FILIP1: variants seen among roughly 807,000 people sequenced by gnomAD.
The protein encoded by FILIP1 is filamin-A-interacting protein 1.
FILIP1 carries 61 observed loss-of-function variants against 102.1 expected under a neutral mutation model. The observed-to-expected ratio is 0.60, with a 90% confidence interval of 0.49 to 0.74. The LOEUF (loss-of-function observed/expected upper bound fraction) is 0.74, where lower values mean the gene tolerates loss of function less well. Ranked by LOEUF, FILIP1 falls within the 30% of genes least tolerant of loss-of-function variation. The pLI, the probability that FILIP1 is intolerant of heterozygous loss-of-function variation, is 0.00. For synonymous variants in FILIP1, 491 were observed against 526.9 expected (o/e 0.93, Z 0.93); for missense variants, 1,314 against 1,441.2 (o/e 0.91, Z 1.43).
At chr6:75,325,511 A>G (rs960864181) in intron 4 of FILIP1, among the ~76,000 whole-genome samples, 1 of 152,226 alleles carries the variant, frequency 6.6e-6, no homozygotes, top group Non-Finnish European at 1.5e-5. Flanking sequence ...AAGGACTAAT[A>G]TCCAGAATTT....
intron 2 of FILIP1, chr6:75,386,098 G>A (rs1181555468): frequency 6.6e-6 from 1 of 152,098 alleles, no homozygotes; most frequent in Non-Finnish European, 1.5e-5. Context: ...AACTCCTACT[G>A]CTTATTTGTA....
At chr6:75,456,704 C>G (rs978697402) in intron 1 of FILIP1, among the ~76,000 whole-genome samples, 1 of 151,944 alleles carries the variant, frequency 6.6e-6, no homozygotes, top group Non-Finnish European at 1.5e-5. Context: ...GGATTACAGG[C>G]ACATGCCACC....
At chr6:75,341,792 C>T (rs1407928886) in intron 4 of FILIP1, among the ~76,000 whole-genome samples, 1 of 152,170 alleles carries the variant, frequency 6.6e-6, no homozygotes, top group Non-Finnish European at 1.5e-5. Flanking sequence ...ACAATAACAG[C>T]TACCCTCAAA....
intron 2 of FILIP1, among the ~76,000 whole-genome samples, chr6:75,385,123 A>T (rs1776044936): frequency 6.6e-6 from 1 of 152,030 alleles, no homozygotes. Flanking sequence ...ATAACTAAAG[A>T]AATAGAAATT....
intron 1 of FILIP1, among the ~76,000 whole-genome samples, chr6:75,431,384 G>T (rs1777818719): frequency 6.6e-6 from 1 of 152,008 alleles, no homozygotes; most frequent in Non-Finnish European, 1.5e-5. Context: ...ATTTTCATCA[G>T]CTGCCATTCA....
rs146804305 is a variant in FILIP1 at position 75,408,843 on chromosome 6, C to T, written c.276+5854G>A. 1.0e-2 allele frequency among the ~76,000 whole-genome samples: 1,519 copies of T among 152,232 alleles called. 14 individuals carry two copies. Among genetic ancestry groups the T allele is most frequent in the Non-Finnish European group, 0.016 (1,077 of 68,012 alleles). Reference sequence around the variant, plus strand: ...AGCTGGAGATGTGATCCCCCCAAAGCCTGCACTGTTACACAACTCCAGAAG... The same window carrying T: ...AGCTGGAGATGTGATCCCCCCAAAGTCTGCACTGTTACACAACTCCAGAAG... On this transcript the variant is annotated intron_variant, in intron 2 of 5. Transcript: ENST00000237172.
At chr6:75,316,120 C>T (rs566511627) in intron 4 of FILIP1, among the ~76,000 whole-genome samples, 5 of 152,296 alleles carry the variant, frequency 3.3e-5, no homozygotes, top group East Asian at 1.9e-4. Context: ...TACATTTTCT[C>T]TATGGCATTT....
intron 4 of FILIP1, among the ~76,000 whole-genome samples, chr6:75,325,587 T>C (rs1481322469): frequency 6.6e-6 from 1 of 152,060 alleles, no homozygotes; most frequent in African/African-American, 2.4e-5. Context: ...AGGACATGAA[T>C]AGACAATTCT....
chr6:75,399,949 AG>A (rs2149669907), intron 2 of FILIP1, among the ~76,000 whole-genome samples: 1 of 152,304 alleles, frequency 6.6e-6, no homozygotes, highest in Non-Finnish European at 1.5e-5. Context: ...AGACTTTTAA[AG>A]GAAATTCCAG....
intron 3 of FILIP1, among the ~76,000 whole-genome samples, chr6:75,356,563 G>A (rs1048991765): frequency 2.6e-5 from 4 of 151,428 alleles, no homozygotes; most frequent in South Asian, 2.1e-4. Context: ...CCGCCTCCTC[G>A]GTTCAAGCAA....
chr6:75,312,567 C>A lies in FILIP1; in HGVS notation c.3265G>T (p.Val1089Phe). The A allele has an allele frequency of 6.2e-7, 1 of 1,614,246 alleles. No individual in the cohort carries two copies. The highest frequency in any genetic ancestry group is 1.1e-5 in the South Asian group (1 of 91,092). Reference sequence around the variant, plus strand: ...ACGTTTACTGGTCGGACAGTAATAACTGGACTGACTCCTTCACCTGAAGTC... The same window carrying A: ...ACGTTTACTGGTCGGACAGTAATAAATGGACTGACTCCTTCACCTGAAGTC... ...PGTSGEGVSP[V>F]ITVRPVNVTA... Residue 1089 changes from valine (V) to phenylalanine (F), a missense_variant, in exon 5 of 6, where the codon GTT becomes TTT. Val to Phe is a conservative substitution (Grantham distance 50, BLOSUM62 -1). Around this residue, in one of 3 missense-constraint regions of FILIP1, gnomAD observed 816 missense variants for 913.1 expected, o/e 0.89. Coordinates refer to ENST00000237172, the MANE Select transcript of FILIP1 (RefSeq NM_015687.5).
At chr6:75,340,905 T>C (rs917978827) in intron 4 of FILIP1, among the ~76,000 whole-genome samples, 4 of 146,564 alleles carry the variant, frequency 2.7e-5, no homozygotes, top group African/African-American at 1.0e-4. Flanking sequence ...TGTTTTGCCA[T>C]ATTGGCGAGG....
At chr6:75,420,018 A>G (rs1302677521) in intron 1 of FILIP1, among the ~76,000 whole-genome samples, 3 of 152,186 alleles carry the variant, frequency 2.0e-5, no homozygotes, top group Non-Finnish European at 4.4e-5. Context: ...TAAGGTTTTT[A>G]CTTAAAGTAT....
intron 2 of FILIP1, among the ~76,000 whole-genome samples, chr6:75,400,054 C>A (rs535645396): frequency 1.3e-5 from 2 of 152,150 alleles, no homozygotes; most frequent in East Asian, 3.9e-4. Flanking sequence ...GACAGCTCTG[C>A]CACTAATACT....
chr6:75,308,663 G>A lies in FILIP1; in HGVS notation c.*28C>T. ...CACTTTCACGGCAGCAGTAGCATCTGCACAACATACCCCCTTAGCCACTGC... is the reference window on the plus strand; with the variant it reads ...CACTTTCACGGCAGCAGTAGCATCTACACAACATACCCCCTTAGCCACTGC... On this transcript the variant is annotated 3_prime_UTR_variant, in exon 6 of 6. Coordinates refer to ENST00000237172, the MANE Select transcript of FILIP1 (RefSeq NM_015687.5). 2.5e-6 allele frequency: 4 copies of A among 1,611,626 alleles called. No homozygotes were observed. Among genetic ancestry groups the A allele is most frequent in the Non-Finnish European group, 3.4e-6 (4 of 1,179,642 alleles).
chr6:75,415,533 G>GGA (rs1777236022), intron 1 of FILIP1, among the ~76,000 whole-genome samples: 1 of 78,762 alleles, frequency 1.3e-5, no homozygotes, highest in Non-Finnish European at 2.5e-5. Flanking sequence ...TCACAGTGTG[G>GGA]AAAAAAAAAA....
chr6:75,318,218 A>C (rs1582333096), intron 4 of FILIP1, among the ~76,000 whole-genome samples: 1 of 136,914 alleles, frequency 7.3e-6, no homozygotes, highest in South Asian at 2.3e-4. Flanking sequence ...AATATCAATT[A>C]TTATACAGTC....
At chr6:75,351,015 T>C (rs1175060929) in intron 4 of FILIP1, among the ~76,000 whole-genome samples, 1 of 152,162 alleles carries the variant, frequency 6.6e-6, no homozygotes, top group Non-Finnish European at 1.5e-5. Context: ...AGGGACTGCA[T>C]ATATGATGGT....
intron 2 of FILIP1, among the ~76,000 whole-genome samples, chr6:75,402,814 T>C (rs1048644352): frequency 1.3e-5 from 2 of 152,222 alleles, no homozygotes; most frequent in African/African-American, 4.8e-5. Context: ...TTACTGTTAA[T>C]TCATTAACAT....
Sources: gnomAD v4.1 joint callset for allele counts (sites outside exome capture counted in the v4.1 genomes callset) on GRCh38, gnomAD v4.1.1 for gene constraint, gnomAD v4.1.1 regional missense constraint, MANE v1.5 for transcripts, NCBI Gene and HGNC (gene_info 2026-07-23, HGNC 2026-07-21) for gene names.